The following RESF1 variants were observed in gnomAD, a reference collection of about 807,000 sequenced individuals.
The protein encoded by RESF1 is gonad expressed transcript.
In RESF1, 65 loss-of-function variants were observed where a neutral mutation model predicts 134.7. The observed-to-expected ratio is 0.48, with a 90% CI of 0.40 to 0.59. RESF1 has a LOEUF of 0.59. Ranked by LOEUF, RESF1 falls within the 20% of genes least tolerant of loss-of-function variation. RESF1 has a pLI of 0.00. For synonymous variants in RESF1, 762 were observed against 702.2 expected (o/e 1.09, Z -1.35); for missense variants, 2,274 against 2,002.7 (o/e 1.14, Z -2.59).
intron 3 of RESF1, among the ~76,000 whole-genome samples, chr12:31,976,806 G>C (rs73294884): frequency 0.015 from 2,307 of 152,220 alleles, 58 homozygotes; most frequent in African/African-American, 0.053. Flanking sequence ...AAGAGAAGGG[G>C]TTGGTCTTGC....
In RESF1 at chr12:31,985,157, T is replaced by C. The variant is rs759313609; in HGVS notation, c.4202T>C (p.Val1401Ala). 6.4e-7 allele frequency: 1 copy of C among 1,555,982 alleles called. No individual in the cohort carries two copies. Among genetic ancestry groups the C allele is most frequent in the Admixed American group, 2.2e-5 (1 of 45,666 alleles). The change falls in exon 4 of 6, where the codon GTG becomes GCG. Residue 1401 changes from valine (V) to alanine (A), a missense_variant. Transcript: ENST00000312561. ...KHDKQEQKGS[V>A]GATFKLGDSL... ...GATAAACAAGAACAGAAAGGAAGTG[T>C]GGGAGCTACATTCAAATTAGGTGAC...
intron 3 of RESF1, among the ~76,000 whole-genome samples, chr12:31,977,954 C>T (rs564238651): frequency 1.3e-5 from 2 of 151,846 alleles, no homozygotes; most frequent in Admixed American, 1.3e-4. Flanking sequence ...AACAGGTGTG[C>T]ACACCTGGCT....
At position 31,983,146 on chromosome 12, in the gene RESF1, A is replaced by T; in HGVS notation, c.2191A>T (p.Asn731Tyr). 1 of 1,611,566 alleles carries T rather than the reference A, an allele frequency of 6.2e-7. No homozygotes were observed. Among genetic ancestry groups the T allele is most frequent in the East Asian group, 2.2e-5 (1 of 44,876 alleles). The change falls in exon 4 of 6, where the codon AAT becomes TAT. Residue 731 changes from asparagine (N) to tyrosine (Y), a missense_variant. Asn to Tyr is a moderately radical substitution (Grantham distance 143, BLOSUM62 -2). Transcript: ENST00000312561. ...GNSNSQNKIS[N>Y]PSQQTALSMV... Reference sequence around the variant, plus strand: ...TTCAAATTCTCAGAATAAAATAAGTAATCCCTCACAGCAGACAGCTTTGTC... The same window carrying T: ...TTCAAATTCTCAGAATAAAATAAGTTATCCCTCACAGCAGACAGCTTTGTC...
intron 2 of RESF1, among the ~76,000 whole-genome samples, chr12:31,964,242 A>T (rs1390890597): frequency 6.6e-6 from 1 of 150,716 alleles, no homozygotes; most frequent in Non-Finnish European, 1.5e-5. Flanking sequence ...TCACCCAGGT[A>T]TTAAGCCTAG....
chr12:31,985,235 A>G lies in RESF1; in HGVS notation c.4280A>G (p.Asn1427Ser), dbSNP rs1939937933. Residue 1427 changes from asparagine to serine, a missense_variant, in exon 4 of 6, where the codon AAT becomes AGT. By Grantham distance (46) the Asn-to-Ser change is conservative. Transcript: ENST00000312561. The part of the protein sequence containing the change: ...RAIVKEKMVS[N>S]TKSVDTKASS... ...ATTGTTAAAGAAAAGATGGTATCAAATACTAAGTCTGTAGACACGAAAGCG... is the reference window on the plus strand; with the variant it reads ...ATTGTTAAAGAAAAGATGGTATCAAGTACTAAGTCTGTAGACACGAAAGCG... The G allele has an allele frequency of 6.3e-7, 1 of 1,599,976 alleles. No individual in the cohort carries two copies.
At position 31,982,388 on chromosome 12, in the gene RESF1, CAAAT is replaced by C; in HGVS notation, c.1436_1439del (p.Asn479ArgfsTer6). The C allele has an allele frequency of 6.2e-7, 1 of 1,614,090 alleles. No homozygotes were observed. Among genetic ancestry groups the C allele is most frequent in the Non-Finnish European group, 8.5e-7 (1 of 1,180,000 alleles). On this transcript the variant is annotated frameshift_variant, in exon 4 of 6. Transcript: ENST00000312561. LOFTEE classifies it high-confidence loss of function. ...CCAACAGTAGTGGAATCTGCAGAAA[CAAAT>C]AAGACTCAATGTATGTTGAATTCTG...
At chr12:31,972,333 G>A (rs11051711) in intron 3 of RESF1, among the ~76,000 whole-genome samples, 15,467 of 151,900 alleles carry the variant, frequency 0.1, 1,020 homozygotes, top group East Asian at 0.22. Flanking sequence ...TCGGCTGGGC[G>A]CAGTGGCTCA....
intron 3 of RESF1, among the ~76,000 whole-genome samples, chr12:31,972,052 G>C (rs1939520289): frequency 6.6e-6 from 1 of 152,180 alleles, no homozygotes; most frequent in Non-Finnish European, 1.5e-5. Context: ...TGCTGAGCAG[G>C]TGGAGGTTCC....
intron 2 of RESF1, among the ~76,000 whole-genome samples, chr12:31,961,342 C>T (rs2120745395): frequency 6.6e-6 from 1 of 152,314 alleles, no homozygotes; most frequent in African/African-American, 2.4e-5. Context: ...ACCATGGTCC[C>T]TGTAACCACA....
At position 31,985,499 on chromosome 12, in the gene RESF1, A is replaced by T; in HGVS notation, c.4544A>T (p.His1515Leu). 6.2e-7 allele frequency: 1 copy of T among 1,604,156 alleles called. No homozygotes were observed. Among genetic ancestry groups the T allele is most frequent in the Non-Finnish European group, 8.5e-7 (1 of 1,177,298 alleles). The change falls in exon 4 of 6, where the codon CAT becomes CTT. Residue 1515 changes from histidine to leucine, a missense_variant. By Grantham distance (99) the His-to-Leu change is moderately conservative. Coordinates refer to ENST00000312561, the MANE Select transcript of RESF1 (RefSeq NM_018169.4). ...SKESLNGLTS[H>L]GKNLKIHHSQ... Reference sequence around the variant, plus strand: ...GAATCATTAAATGGCTTGACAAGCCATGGTAAAAACCTCAAAATCCACCAT... The same window carrying T: ...GAATCATTAAATGGCTTGACAAGCCTTGGTAAAAACCTCAAAATCCACCAT...
rs1394380914 is a variant in RESF1 at position 31,978,762 on chromosome 12, C to T, written c.-78-2116C>T. Among the ~76,000 whole-genome samples, 4 of 146,592 alleles carry T rather than the reference C, an allele frequency of 2.7e-5. No homozygotes were observed. The South Asian group carries it at 6.6e-4, about 24-fold the overall frequency. ...TATTTAGTAGAGGCCGGGGTTTCACCGTGTTGGCCAGGATGGTCTCCATCT... is the reference window on the plus strand; with the variant it reads ...TATTTAGTAGAGGCCGGGGTTTCACTGTGTTGGCCAGGATGGTCTCCATCT... On this transcript the variant is annotated intron_variant, in intron 3 of 5. Transcript: ENST00000312561.
chr12:31,986,544 CA>C (rs1190913805), intron 4 of RESF1, among the ~76,000 whole-genome samples: 1 of 152,088 alleles, frequency 6.6e-6, no homozygotes, highest in Non-Finnish European at 1.5e-5. Flanking sequence ...CAGTATTGTC[CA>C]GTGTTATAAT....
chr12:31,978,619 C>T (rs891940472), intron 3 of RESF1, among the ~76,000 whole-genome samples: 3 of 151,698 alleles, frequency 2.0e-5, no homozygotes, highest in African/African-American at 7.3e-5. Flanking sequence ...AATCTCAGCT[C>T]ATTGCAACCT....
Position 31,984,322 on chromosome 12 carries a change from G to A in RESF1, c.3367G>A (p.Asp1123Asn). The change falls in exon 4 of 6, where the codon GAT becomes AAT. Residue 1123 changes from aspartate to asparagine, a missense_variant. Transcript: ENST00000312561. ...QMKEIFPEQD[D>N]QPYVVDKLAE... is the part of the protein sequence containing the mutation. ...GAAAGAAATATTTCCTGAACAGGATGATCAACCCTATGTAGTAGACAAGTT... is the reference window on the plus strand; with the variant it reads ...GAAAGAAATATTTCCTGAACAGGATAATCAACCCTATGTAGTAGACAAGTT... 3 of 1,613,868 alleles carry A rather than the reference G, an allele frequency of 1.9e-6. No individual in the cohort carries two copies. The highest frequency in any genetic ancestry group is 2.5e-6 in the Non-Finnish European group (3 of 1,179,952).
At chr12:31,980,518 C>G (rs1939756321) in intron 3 of RESF1, among the ~76,000 whole-genome samples, 2 of 152,054 alleles carry the variant, frequency 1.3e-5, no homozygotes, top group Admixed American at 6.6e-5. Context: ...GTTTGAACTT[C>G]CCTTTTTTTT....
chr12:31,991,331 C>T (rs1324392519), intron 5 of RESF1, among the ~76,000 whole-genome samples: 1 of 152,094 alleles, frequency 6.6e-6, no homozygotes, highest in Non-Finnish European at 1.5e-5. Context: ...AACTTAGAGA[C>T]CCATCTGGGG....
intron 3 of RESF1, among the ~76,000 whole-genome samples, chr12:31,972,159 A>G (rs923738730): frequency 2.6e-5 from 4 of 152,102 alleles, no homozygotes; most frequent in Non-Finnish European, 5.9e-5. Context: ...TTGGTAATAT[A>G]CTTTATAATA....
rs775226752 is a variant in RESF1, at chr12:31,981,679, T to C, written c.724T>C (p.Leu242=). ...QKQNFIPHTS[L]QVKNSQLLNS... ...ACAAAACTTTATACCACATACATCATTGCAAGTTAAAAATAGTCAGCTTCT... is the reference window on the plus strand; with the variant it reads ...ACAAAACTTTATACCACATACATCACTGCAAGTTAAAAATAGTCAGCTTCT... The change falls in exon 4 of 6, where the codon TTG becomes CTG. Residue 242 remains leucine, a synonymous_variant. Coordinates refer to ENST00000312561, the MANE Select transcript of RESF1 (RefSeq NM_018169.4). The C allele has an allele frequency of 2.2e-5, 36 of 1,613,722 alleles. No individual in the cohort carries two copies. The Admixed American group carries it at 2.8e-4, about 13-fold the overall frequency.
chr12:31,972,816 A>G (rs1475081051), intron 3 of RESF1, among the ~76,000 whole-genome samples: 1 of 152,152 alleles, frequency 6.6e-6, no homozygotes, highest in Non-Finnish European at 1.5e-5. Context: ...TTATTCCTAC[A>G]TTCTCAGAAT....
Sources: gnomAD v4.1 joint callset for allele counts (sites outside exome capture counted in the v4.1 genomes callset) on GRCh38, gnomAD v4.1.1 for gene constraint, MANE v1.5 for transcripts, NCBI Gene and HGNC (gene_info 2026-07-23, HGNC 2026-07-21) for gene names.